Variants in RALGAPA1 observed in about 807,000 individuals in gnomAD.
RALGAPA1 encodes Ral GTPase activating protein catalytic subunit alpha 1.
In RALGAPA1, 52 loss-of-function variants were observed where a neutral mutation model predicts 269.6. The observed-to-expected ratio is 0.19, with a 90% confidence interval of 0.15 to 0.24. RALGAPA1 has a LOEUF of 0.24. Among genes scored for constraint, RALGAPA1 ranks in the 10% least tolerant of loss-of-function variants. The pLI, the probability that RALGAPA1 is intolerant of heterozygous loss-of-function variation, is 1.00. For synonymous variants in RALGAPA1, 817 were observed against 1,008.3 expected (o/e 0.81, Z 3.60); for missense variants, 1,917 against 3,013.9 (o/e 0.64, Z 8.52).
At chr14:35,766,852 T>G in intron 4 of RALGAPA1, 1 of 455,564 alleles carries the variant, frequency 2.2e-6, no homozygotes, top group Non-Finnish European at 4.3e-6. Context: ...GAACAGGAAG[T>G]GCCCAGGATG....
At chr14:35,725,457 T>C (rs750435240) in intron 13 of RALGAPA1, among the ~76,000 whole-genome samples, 1 of 152,138 alleles carries the variant, frequency 6.6e-6, no homozygotes, top group Non-Finnish European at 1.5e-5. Flanking sequence ...ACAAATTAAG[T>C]AGTGACCTTA....
intron 15 of RALGAPA1, 27 bp from the exon 16 acceptor site, chr14:35,721,876 T>C: frequency 3.8e-6 from 6 of 1,593,200 alleles, no homozygotes; most frequent in Non-Finnish European, 5.2e-6. Context: ...TCAATCTCAA[T>C]ATACTGTTAC....
intron 26 of RALGAPA1, among the ~76,000 whole-genome samples, chr14:35,665,006 A>G (rs1946375819): frequency 6.6e-6 from 1 of 152,238 alleles, no homozygotes; most frequent in African/African-American, 2.4e-5. Context: ...GCCACAGTTA[A>G]TAAGACTGTA....
At chr14:35,725,985 C>CACTG (rs1237155191) in intron 13 of RALGAPA1, among the ~76,000 whole-genome samples, 1 of 152,176 alleles carries the variant, frequency 6.6e-6, no homozygotes, top group East Asian at 1.9e-4. Context: ...ACCTTATTTA[C>CACTG]ACTGATACTT....
chr14:35,799,268 AT>A (rs2076802383), intron 1 of RALGAPA1, among the ~76,000 whole-genome samples: 1 of 152,134 alleles, frequency 6.6e-6, no homozygotes, highest in Non-Finnish European at 1.5e-5. Context: ...CAAGTTAAAG[AT>A]GTATACTATA....
intron 17 of RALGAPA1, among the ~76,000 whole-genome samples, chr14:35,697,749 C>A (rs1400607272): frequency 6.6e-6 from 1 of 151,876 alleles, no homozygotes; most frequent in Non-Finnish European, 1.5e-5. Context: ...ATTTGCATCT[C>A]CTGGAAAGTG....
intron 26 of RALGAPA1, among the ~76,000 whole-genome samples, chr14:35,669,273 A>G (rs1399420436): frequency 6.6e-6 from 1 of 151,706 alleles, no homozygotes; most frequent in Non-Finnish European, 1.5e-5. Context: ...TTTTTTTTTG[A>G]GACTGAGTTT....
chr14:35,592,477 G>A (rs922803245), intron 37 of RALGAPA1, among the ~76,000 whole-genome samples: 2 of 152,156 alleles, frequency 1.3e-5, no homozygotes, highest in African/African-American at 4.8e-5. Context: ...ACAGAGTGAA[G>A]GGGAATACTT....
chr14:35,666,840 G>C (rs1354432615), intron 26 of RALGAPA1, among the ~76,000 whole-genome samples: 1 of 152,096 alleles, frequency 6.6e-6, no homozygotes, highest in African/African-American at 2.4e-5. Flanking sequence ...GAAATGTGCT[G>C]ACTAGTCATC....
chr14:35,661,423 G>A (rs1246602561), intron 27 of RALGAPA1, among the ~76,000 whole-genome samples: 1 of 152,098 alleles, frequency 6.6e-6, no homozygotes, highest in Non-Finnish European at 1.5e-5. Flanking sequence ...ATATTGAAGT[G>A]GATGTATGTT....
Position 35,539,505 on chromosome 14 carries a change from G to A in RALGAPA1, c.*209C>T. The A allele has an allele frequency of 6.2e-7, 1 of 1,601,472 alleles. No individual in the cohort carries two copies. Among genetic ancestry groups the A allele is most frequent in the East Asian group, 2.2e-5 (1 of 44,592 alleles). ...GGGTTAACCCTATGTTCGTGCTAAG[G>A]TGGCTACTGCTGATCACTGCTGGGC... On this transcript the variant is annotated 3_prime_UTR_variant, in exon 42 of 42. Transcript: ENST00000680220.
intron 10 of RALGAPA1, among the ~76,000 whole-genome samples, chr14:35,745,127 C>T (rs2071928175): frequency 6.6e-6 from 1 of 152,038 alleles, no homozygotes; most frequent in Non-Finnish European, 1.5e-5. Context: ...TTAGCCATAG[C>T]TAAAAACTGA....
At chr14:35,657,504 T>TA (rs71445955) in intron 28 of RALGAPA1, among the ~76,000 whole-genome samples, 17,514 of 151,572 alleles carry the variant, frequency 0.12, 1,121 homozygotes, top group South Asian at 0.13. Context: ...AGTATGTTTC[T>TA]AAAAAAACAT....
chr14:35,746,511 T>G (rs550052785), intron 10 of RALGAPA1, among the ~76,000 whole-genome samples: 1 of 152,180 alleles, frequency 6.6e-6, no homozygotes, highest in Non-Finnish European at 1.5e-5. Context: ...AACATCACAA[T>G]GTACACCTTA....
chr14:35,792,689 A>G (rs2076260507), intron 1 of RALGAPA1, among the ~76,000 whole-genome samples: 1 of 151,478 alleles, frequency 6.6e-6, no homozygotes, highest in Non-Finnish European at 1.5e-5. Context: ...AGGCTGAGAC[A>G]TAAGAATTGC....
intron 4 of RALGAPA1, among the ~76,000 whole-genome samples, chr14:35,765,570 G>A (rs1175451549): frequency 6.6e-6 from 1 of 152,094 alleles, no homozygotes; most frequent in African/African-American, 2.4e-5. Context: ...GCACAATCAT[G>A]GCCTACTGCA....
intron 1 of RALGAPA1, among the ~76,000 whole-genome samples, chr14:35,801,357 C>T (rs1261300536): frequency 6.6e-6 from 1 of 152,036 alleles, no homozygotes; most frequent in African/African-American, 2.4e-5. Flanking sequence ...CAACCTCTGC[C>T]TCCTGGGTTC....
chr14:35,670,986 C>A (rs1566965161), intron 26 of RALGAPA1, among the ~76,000 whole-genome samples: 1 of 151,064 alleles, frequency 6.6e-6, no homozygotes, highest in Non-Finnish European at 1.5e-5. Context: ...ATGGTGGATG[C>A]CTTACCAAGT....
chr14:35,757,026 CTAA>C, intron 6 of RALGAPA1, 118 bp from the exon 7 acceptor site: 2 of 695,902 alleles, frequency 2.9e-6, no homozygotes, highest in Non-Finnish European at 4.0e-6. Context: ...TGAAAACTTT[CTAA>C]TGACTGATCC....
Sources: gnomAD v4.1 joint callset for allele counts (sites outside exome capture counted in the v4.1 genomes callset) on GRCh38, gnomAD v4.1.1 for gene constraint, MANE v1.5 for transcripts, NCBI Gene and HGNC (gene_info 2026-07-23, HGNC 2026-07-21) for gene names.